The following WWC1 variants were observed in gnomAD, a reference collection of about 807,000 sequenced individuals.
WWC1 encodes the protein WW and C2 domain containing 1.
Under a neutral mutation model 138.4 loss-of-function variants are expected in WWC1, and 55 were observed. The observed-to-expected ratio is 0.40, with a 90% CI of 0.32 to 0.50. The LOEUF is 0.50. WWC1 is among the 20% of genes least tolerant of loss of function. The pLI is 0.72. For synonymous variants in WWC1, 524 were observed against 564.9 expected (o/e 0.93, Z 1.03); for missense variants, 1,226 against 1,420.4 (o/e 0.86, Z 2.20).
intron 2 of WWC1, among the ~76,000 whole-genome samples, chr5:168,372,683 G>A (rs1317511031): frequency 2.6e-5 from 4 of 152,186 alleles, no homozygotes; most frequent in Non-Finnish European, 5.9e-5. Flanking sequence ...TGGCAGGGCT[G>A]GGATTGGAAC....
intron 1 of WWC1, among the ~76,000 whole-genome samples, chr5:168,365,823 G>T (rs535113145): frequency 4.6e-5 from 7 of 152,342 alleles, no homozygotes; most frequent in African/African-American, 1.7e-4. Context: ...TAATTAAGAA[G>T]AGGCAGAACT....
rs970530339 is a variant in WWC1, at chr5:168,441,719, C to T, written c.2318C>T (p.Ser773Phe). The change falls in exon 16 of 23, where the codon TCT (serine) becomes TTT (phenylalanine). Residue 773 changes from serine to phenylalanine, a missense_variant. Coordinates refer to ENST00000265293, the MANE Select transcript of WWC1 (RefSeq NM_015238.3). ...AQISLAEVCR[S>F]GERSTRWYNL... ...ATCAGCCTGGCGGAGGTCTGCCGGTCTGGGGAGAGGTCGACTCGCTGGTAC... is the reference window on the plus strand; with the variant it reads ...ATCAGCCTGGCGGAGGTCTGCCGGTTTGGGGAGAGGTCGACTCGCTGGTAC... The T allele has an allele frequency of 6.2e-7, 1 of 1,614,072 alleles. No individual in the cohort carries two copies. Among genetic ancestry groups the T allele is most frequent in the Non-Finnish European group, 8.5e-7 (1 of 1,180,042 alleles).
intron 17 of WWC1, among the ~76,000 whole-genome samples, chr5:168,447,178 T>C (rs1755354597): frequency 6.6e-6 from 1 of 152,168 alleles, no homozygotes; most frequent in Non-Finnish European, 1.5e-5. Flanking sequence ...TTCAGTAAAA[T>C]TATGCATGAT....
At chr5:168,314,728 G>A (rs2152751839) in intron 1 of WWC1, among the ~76,000 whole-genome samples, 1 of 152,284 alleles carries the variant, frequency 6.6e-6, no homozygotes, top group East Asian at 1.9e-4. Flanking sequence ...AGCCAGAGGT[G>A]GGCTCCAGGT....
intron 1 of WWC1, among the ~76,000 whole-genome samples, chr5:168,322,276 CAA>C (rs756936829): frequency 1.4e-4 from 18 of 125,588 alleles, no homozygotes; most frequent in African/African-American, 4.1e-4. Context: ...TTGGAAAATA[CAA>C]AAAAAAAAAA....
chr5:168,432,845 C>T (rs75194352), intron 15 of WWC1, among the ~76,000 whole-genome samples: 7 of 152,162 alleles, frequency 4.6e-5, no homozygotes, highest in Non-Finnish European at 2.9e-5. Flanking sequence ...ATGTATACAC[C>T]TCTCCGAGCC....
Position 168,469,233 on chromosome 5 carries a change from A to G in WWC1, c.*216A>G. 1.8e-6 allele frequency: 1 copy of G among 559,582 alleles called. No homozygotes were observed. The highest frequency in any genetic ancestry group is 2.8e-5 in the East Asian group (1 of 35,262). The allele number at this position is 559,582 out of a possible 1,614,324, so 34.7% of individuals were successfully genotyped here. A position where few individuals can be genotyped will look rare whatever the true frequency, so the allele number is the denominator to read the frequency against. The stretch of plus-strand genomic sequence containing the variant: ...CACACACACACAAAAACAGAAACAA[A>G]AAAAACCAGCATTAAAATAATAAGA... On this transcript the variant is annotated 3_prime_UTR_variant, in exon 23 of 23. Coordinates refer to ENST00000265293, the MANE Select transcript of WWC1 (RefSeq NM_015238.3).
rs748968429 is a variant in WWC1 at position 168,454,010 on chromosome 5, A to AGAG, written c.2579_2581dup (p.Glu860dup). On this transcript the variant is annotated inframe_insertion, in exon 18 of 23. Coordinates refer to ENST00000265293, the MANE Select transcript of WWC1 (RefSeq NM_015238.3). Reference sequence around the variant, plus strand: ...GTGAGAATGAGGCAGTAGCCGAGGAAGAGGAGGAGGAGGTGGAGGAGGAGG... The same window carrying AGAG: ...GTGAGAATGAGGCAGTAGCCGAGGAAGAGGAGGAGGAGGAGGTGGAGGAGGAGG... The AGAG allele has an allele frequency of 9.4e-6, 15 of 1,594,910 alleles. No individual in the cohort carries two copies. In the African/African-American group the frequency reaches 2.0e-4, roughly 22 times the overall value.
chr5:168,425,605 C>T (rs931658654), intron 11 of WWC1, among the ~76,000 whole-genome samples: 3 of 151,226 alleles, frequency 2.0e-5, no homozygotes, highest in Admixed American at 6.6e-5. Flanking sequence ...GATTCTCCTG[C>T]GTCAGCCTCC....
intron 1 of WWC1, among the ~76,000 whole-genome samples, chr5:168,311,432 C>G (rs557887830): frequency 5.9e-5 from 9 of 152,330 alleles, no homozygotes; most frequent in Admixed American, 5.9e-4. Context: ...ACACCTCCCT[C>G]TATACCTACC....
At chr5:168,297,043 A>G (rs955814675) in intron 1 of WWC1, among the ~76,000 whole-genome samples, 1 of 152,164 alleles carries the variant, frequency 6.6e-6, no homozygotes, top group Non-Finnish European at 1.5e-5. Flanking sequence ...TACCTGAGTT[A>G]CCTTGGTAAT....
intron 1 of WWC1, among the ~76,000 whole-genome samples, chr5:168,295,966 C>T (rs1459651720): frequency 6.6e-6 from 1 of 152,214 alleles, no homozygotes; most frequent in African/African-American, 2.4e-5. Context: ...TGAGTCAAGG[C>T]CAGCCTGGGA....
intron 1 of WWC1, chr5:168,316,759 T>C (rs2152754083): frequency 6.6e-6 from 1 of 152,388 alleles, no homozygotes; most frequent in South Asian, 2.1e-4. Flanking sequence ...ACATGGGCTG[T>C]ATCCGAATCC....
intron 1 of WWC1, among the ~76,000 whole-genome samples, chr5:168,297,879 G>C (rs1169745771): frequency 2.0e-5 from 3 of 151,952 alleles, no homozygotes; most frequent in Non-Finnish European, 2.9e-5. Context: ...TGCATTCATC[G>C]TGCGTCACAA....
At chr5:168,341,345 G>A (rs1027027612) in intron 1 of WWC1, among the ~76,000 whole-genome samples, 5 of 152,122 alleles carry the variant, frequency 3.3e-5, no homozygotes, top group Non-Finnish European at 5.9e-5. Flanking sequence ...TGCAAGACTC[G>A]AGGGTGCGGC....
At chr5:168,370,976 C>T (rs887219819) in intron 1 of WWC1, among the ~76,000 whole-genome samples, 5 of 152,186 alleles carry the variant, frequency 3.3e-5, no homozygotes, top group African/African-American at 1.2e-4. Flanking sequence ...GGCAAGTGAG[C>T]ATGACAGGCG....
At chr5:168,341,712 A>AG (rs1232075498) in intron 1 of WWC1, among the ~76,000 whole-genome samples, 1 of 151,640 alleles carries the variant, frequency 6.6e-6, no homozygotes, top group Non-Finnish European at 1.5e-5. Flanking sequence ...TAAAAAAAAA[A>AG]AAAAGATTTT....
At chr5:168,408,448 C>A in intron 6 of WWC1, 59 bp from the exon 7 acceptor site, 1 of 1,586,050 alleles carries the variant, frequency 6.3e-7, no homozygotes, top group Admixed American at 1.7e-5. Flanking sequence ...GGGAGCGTGG[C>A]AGACCCAGAG....
intron 5 of WWC1, among the ~76,000 whole-genome samples, chr5:168,404,726 C>T (rs906407639): frequency 3.9e-5 from 6 of 152,106 alleles, no homozygotes; most frequent in Non-Finnish European, 7.4e-5. Context: ...TTTTTCTCCA[C>T]CTTGGACTGA....
Sources: allele counts gnomAD v4.1 joint callset (sites outside exome capture counted in the v4.1 genomes callset), GRCh38; gene constraint gnomAD v4.1.1; transcripts MANE v1.5; gene names NCBI Gene and HGNC (gene_info 2026-07-23, HGNC 2026-07-21).